Variants in HS3ST2 observed in about 807,000 individuals in gnomAD.
HS3ST2 encodes the protein heparan sulfate-glucosamine 3-sulfotransferase 2.
A neutral mutation model predicts 26.3 loss-of-function variants in HS3ST2; 17 were observed. The ratio of observed to expected loss-of-function variants is 0.65; its 90% CI spans 0.44 to 0.97. HS3ST2 has a LOEUF of 0.97. HS3ST2 is among the 50% of genes least tolerant of loss of function. HS3ST2 has a pLI of 0.00. For missense variants in HS3ST2, 402 were observed against 501.2 expected (o/e 0.80, Z 1.89); for synonymous variants, 237 against 219.2 (o/e 1.08, Z -0.72).
intron 1 of HS3ST2, among the ~76,000 whole-genome samples, chr16:22,844,265 G>T (rs556046730): frequency 1.3e-5 from 2 of 151,982 alleles, no homozygotes; most frequent in African/African-American, 4.8e-5. Context: ...TTCTCACTTT[G>T]GGATTCTTGC....
intron 1 of HS3ST2, among the ~76,000 whole-genome samples, chr16:22,891,417 C>G (rs952996299): frequency 6.6e-6 from 1 of 152,024 alleles, no homozygotes; most frequent in Non-Finnish European, 1.5e-5. Context: ...TTGCCTGAGG[C>G]TGCACAGTAG....
At chr16:22,894,008 A>G (rs1194813994) in intron 1 of HS3ST2, among the ~76,000 whole-genome samples, 1 of 151,768 alleles carries the variant, frequency 6.6e-6, no homozygotes, top group Non-Finnish European at 1.5e-5. Flanking sequence ...TTTTGTAGAG[A>G]CTTGGTCTTA....
At chr16:22,824,819 A>G (rs1248926623) in intron 1 of HS3ST2, among the ~76,000 whole-genome samples, 3 of 152,152 alleles carry the variant, frequency 2.0e-5, no homozygotes, top group Non-Finnish European at 2.9e-5. Flanking sequence ...CTGATGGTCA[A>G]TTAAAGGGAG....
chr16:22,876,450 CAT>C (rs1901919012), intron 1 of HS3ST2, among the ~76,000 whole-genome samples: 1 of 151,954 alleles, frequency 6.6e-6, no homozygotes, highest in Non-Finnish European at 1.5e-5. Context: ...AAAAATAAAA[CAT>C]AATAGATATT....
chr16:22,879,634 G>T (rs1352546015), intron 1 of HS3ST2, among the ~76,000 whole-genome samples: 2 of 152,166 alleles, frequency 1.3e-5, no homozygotes, highest in African/African-American at 4.8e-5. Flanking sequence ...GGAAGGAAAG[G>T]AGCTCGGAGC....
At position 22,915,876 on chromosome 16, in the gene HS3ST2, A is replaced by G. The variant is rs1902488958; in HGVS notation, c.*314A>G. The G allele has an allele frequency of 5.9e-6, 2 of 337,874 alleles. No homozygotes were observed. Among genetic ancestry groups the G allele is most frequent in the South Asian group, 5.0e-5 (1 of 20,036 alleles). The allele number at this position is 337,874 out of a possible 1,614,324, so 20.9% of individuals were successfully genotyped here. A position where few individuals can be genotyped will look rare whatever the true frequency, so the allele number is the denominator to read the frequency against. ...AAGAAGAGTGAATGTTCCAATGATG[A>G]TAGATATTATAAGCGATGATGGTTC... On this transcript the variant is annotated 3_prime_UTR_variant, in exon 2 of 2. Coordinates refer to ENST00000261374, the MANE Select transcript of HS3ST2 (RefSeq NM_006043.2).
chr16:22,893,945 C>T (rs1023474194), intron 1 of HS3ST2, among the ~76,000 whole-genome samples: 2 of 151,998 alleles, frequency 1.3e-5, no homozygotes, highest in Non-Finnish European at 2.9e-5. Context: ...TGCCACCATG[C>T]CTGGCTAATT....
At chr16:22,889,348 C>T (rs565252288) in intron 1 of HS3ST2, among the ~76,000 whole-genome samples, 34 of 152,266 alleles carry the variant, frequency 2.2e-4, no homozygotes, top group African/African-American at 7.0e-4. Flanking sequence ...GCCAACACTT[C>T]GTATACAATT....
At chr16:22,843,224 G>A (rs1427691757) in intron 1 of HS3ST2, among the ~76,000 whole-genome samples, 1 of 152,076 alleles carries the variant, frequency 6.6e-6, no homozygotes, top group Non-Finnish European at 1.5e-5. Flanking sequence ...GGAAGCCACT[G>A]AGTGGCTCTA....
rs1365102020 is a variant in HS3ST2 at position 22,814,839 on chromosome 16, G to C, written c.229G>C (p.Gly77Arg). Residue 77 changes from glycine to arginine, a missense_variant, in exon 1 of 2, where the codon GGG (glycine) becomes CGG (arginine). Physicochemically the swap from Gly to Arg is moderately radical, Grantham distance 125. Around this residue, in one of 2 missense-constraint regions of HS3ST2, gnomAD observed 165 missense variants for 154.6 expected, o/e 1.07. Transcript: ENST00000261374. ...GAAGTCCCGCCCCTGTGATCCCTCC[G>C]GGCCGACGCCCAGCGAGCCCAGCGC... ...LQKSRPCDPS[G>R]PTPSEPSAPS... 2.5e-6 allele frequency: 4 copies of C among 1,568,802 alleles called. No homozygotes were observed. Among genetic ancestry groups the C allele is most frequent in the South Asian group, 2.3e-5 (2 of 86,338 alleles).
At chr16:22,857,828 C>T (rs1170258491) in intron 1 of HS3ST2, among the ~76,000 whole-genome samples, 9 of 152,106 alleles carry the variant, frequency 5.9e-5, no homozygotes, top group African/African-American at 9.7e-5. Context: ...TACTTATGAT[C>T]GCGCAAACAC....
chr16:22,861,856 C>A (rs1901679078), intron 1 of HS3ST2, among the ~76,000 whole-genome samples: 1 of 152,162 alleles, frequency 6.6e-6, no homozygotes, highest in South Asian at 2.1e-4. Context: ...GCCTCGGGAC[C>A]TTTGCACTGG....
intron 1 of HS3ST2, among the ~76,000 whole-genome samples, chr16:22,842,863 C>T (rs1901378193): frequency 6.6e-6 from 1 of 152,166 alleles, no homozygotes; most frequent in Non-Finnish European, 1.5e-5. Flanking sequence ...GAACAAGGCT[C>T]GATTTGGAAA....
At chr16:22,871,354 C>CA (rs35724979) in intron 1 of HS3ST2, among the ~76,000 whole-genome samples, 134 of 131,576 alleles carry the variant, frequency 1.0e-3, no homozygotes, top group East Asian at 1.6e-3. Flanking sequence ...CACTCTGTTT[C>CA]AAAAAAAAAA....
intron 1 of HS3ST2, among the ~76,000 whole-genome samples, chr16:22,880,549 A>G (rs555346481): frequency 1.3e-5 from 2 of 152,282 alleles, no homozygotes; most frequent in African/African-American, 4.8e-5. Context: ...TGTTTTACCT[A>G]TTCGATCCCC....
intron 1 of HS3ST2, among the ~76,000 whole-genome samples, chr16:22,909,367 G>T: frequency 6.6e-6 from 1 of 152,214 alleles, no homozygotes; most frequent in East Asian, 1.9e-4. Context: ...GGAGACAGAA[G>T]CTTAAAAGGG....
chr16:22,859,741 A>G (rs946486984), intron 1 of HS3ST2, among the ~76,000 whole-genome samples: 1 of 152,202 alleles, frequency 6.6e-6, no homozygotes, highest in Non-Finnish European at 1.5e-5. Context: ...GAAACCTACA[A>G]ACATTAATCT....
chr16:22,898,490 GAGA>G (rs1018224372), intron 1 of HS3ST2, among the ~76,000 whole-genome samples: 1 of 152,202 alleles, frequency 6.6e-6, no homozygotes, highest in African/African-American at 2.4e-5. Context: ...ACCTGAGCAT[GAGA>G]AGGATTGAGC....
chr16:22,896,164 T>C (rs986009974), intron 1 of HS3ST2, among the ~76,000 whole-genome samples: 1 of 152,174 alleles, frequency 6.6e-6, no homozygotes, highest in Non-Finnish European at 1.5e-5. Flanking sequence ...GTATTATTTA[T>C]TTGGGGTTAG....
Sources: allele counts gnomAD v4.1 joint callset (sites outside exome capture counted in the v4.1 genomes callset), GRCh38; gene constraint gnomAD v4.1.1; regional missense constraint gnomAD v4.1.1; transcripts MANE v1.5; gene names NCBI Gene and HGNC (gene_info 2026-07-23, HGNC 2026-07-21).